TMEM260: variants seen among roughly 807,000 people sequenced by gnomAD.
The protein encoded by TMEM260 is protein O-mannosyl-transferase TMEM260.
TMEM260 carries 82 observed loss-of-function variants against 88.9 expected under a neutral mutation model. The observed-to-expected ratio is 0.92, with a 90% CI of 0.77 to 1.11. The LOEUF is 1.11. Among genes scored for constraint, TMEM260 ranks in the 50% least tolerant of loss-of-function variants. TMEM260 has a pLI of 0.00. For missense variants in TMEM260, 902 were observed against 853.4 expected, an observed-to-expected ratio of 1.06 and a Z score of -0.71; for synonymous variants, 314 against 309.3, an observed-to-expected ratio of 1.02 and a Z score of -0.16.
chr14:56,596,803 A>G (rs962753098), intron 3 of TMEM260, among the ~76,000 whole-genome samples: 9 of 138,248 alleles, frequency 6.5e-5, no homozygotes, highest in African/African-American at 2.3e-4. Flanking sequence ...AAATATATAT[A>G]TATACACACA....
intron 15 of TMEM260, among the ~76,000 whole-genome samples, chr14:56,636,821 G>A (rs1466174023): frequency 6.6e-6 from 1 of 152,208 alleles, no homozygotes; most frequent in Non-Finnish European, 1.5e-5. Context: ...CAAAAAAGAT[G>A]TCTAGTCCTA....
chr14:56,618,646 T>C lies in TMEM260; in HGVS notation c.1109T>C (p.Ile370Thr). The C allele has an allele frequency of 1.9e-6, 3 of 1,614,230 alleles. No individual in the cohort carries two copies. The highest frequency in any genetic ancestry group is 2.5e-6 in the Non-Finnish European group (3 of 1,180,036). ...GCAGTAGTGGCCGTCCTCGCTGGCATTGGTTTGGCTGCAGTTGTGTCTGAG... is the reference window on the plus strand; with the variant it reads ...GCAGTAGTGGCCGTCCTCGCTGGCACTGGTTTGGCTGCAGTTGTGTCTGAG... The part of the protein sequence containing the change: ...SNAVVAVLAG[I>T]GLAAVVSETN... The change falls in exon 10 of 16, where the codon ATT becomes ACT. Residue 370 changes from isoleucine (I) to threonine (T), a missense_variant. By Grantham distance (89) the Ile-to-Thr change is moderately conservative (BLOSUM62 -1). Transcript: ENST00000261556.
chr14:56,659,604 T>A, the TMEM260 span, among the ~76,000 whole-genome samples: 3 of 152,170 alleles, frequency 2.0e-5, no homozygotes, highest in Non-Finnish European at 4.4e-5. Flanking sequence ...TGGGATTAAA[T>A]TCCCCTCAAA....
At chr14:56,617,845 A>G (rs772803385) in intron 9 of TMEM260, among the ~76,000 whole-genome samples, 9 of 152,184 alleles carry the variant, frequency 5.9e-5, no homozygotes, top group Non-Finnish European at 1.0e-4. Context: ...ATAATACCCT[A>G]CTTGATCACC....
In TMEM260 at chr14:56,585,781, TC is replaced by T; in HGVS notation, c.215del (p.Pro72LeufsTer33). The T allele has an allele frequency of 6.2e-7, 1 of 1,612,804 alleles. No individual in the cohort carries two copies. The highest frequency in any genetic ancestry group is 1.3e-5 in the African/African-American group (1 of 74,958). ...CGTAGGTTGCCCATCCTCCTGGCTA[TC>T]CTTTGTTCACGCTGGTGGCTAAACT... ...ELGVAHPPGY[P>X]LFTLVAKLAI... On this transcript the variant is annotated frameshift_variant, in exon 3 of 16. Transcript: ENST00000261556. LOFTEE classifies it high-confidence loss of function.
intron 12 of TMEM260, among the ~76,000 whole-genome samples, chr14:56,627,877 A>T (rs561386699): frequency 5.9e-5 from 9 of 152,250 alleles, no homozygotes; most frequent in Non-Finnish European, 1.3e-4. Context: ...CCATGATTCC[A>T]TAAATTTTCT....
intron 3 of TMEM260, among the ~76,000 whole-genome samples, chr14:56,599,054 CTT>C (rs1449407595): frequency 2.0e-5 from 3 of 152,164 alleles, no homozygotes; most frequent in Non-Finnish European, 2.9e-5. Flanking sequence ...CCTGGTATGA[CTT>C]TAGCTTTCAT....
At chr14:56,619,450 A>C (rs1183533002) in intron 10 of TMEM260, 2 of 152,184 alleles carry the variant, frequency 1.3e-5, no homozygotes, top group Admixed American at 6.5e-5. Context: ...TGGAATTAAC[A>C]GGTGTGAACC....
intron 11 of TMEM260, among the ~76,000 whole-genome samples, chr14:56,623,972 G>T (rs1432304572): frequency 6.6e-6 from 1 of 152,122 alleles, no homozygotes; most frequent in Non-Finnish European, 1.5e-5. Context: ...TTAAGTATGT[G>T]TTAAGTATAG....
chr14:56,598,980 G>T (rs922292751), intron 3 of TMEM260, among the ~76,000 whole-genome samples: 3 of 152,120 alleles, frequency 2.0e-5, no homozygotes, highest in African/African-American at 7.2e-5. Context: ...GTCTAATCTT[G>T]CTTAACTGGC....
intron 3 of TMEM260, 148 bp downstream of exon 3, chr14:56,586,060 T>A: frequency 1.2e-6 from 1 of 867,814 alleles, no homozygotes; most frequent in Non-Finnish European, 1.7e-6. Flanking sequence ...TACTTTCATA[T>A]GCATTTGACC....
intron 8 of TMEM260, 23 bp from the exon 9 acceptor site, chr14:56,617,160 C>A: frequency 7.4e-7 from 1 of 1,350,812 alleles, no homozygotes; most frequent in Non-Finnish European, 1.0e-6. Flanking sequence ...ATATTTTAGA[C>A]ATATTTTTAT....
intron 15 of TMEM260, among the ~76,000 whole-genome samples, chr14:56,640,276 CG>C (rs1889479875): frequency 6.6e-6 from 1 of 152,128 alleles, no homozygotes; most frequent in Non-Finnish European, 1.5e-5. Context: ...CTCACACAGC[CG>C]GGTACTCCTC....
chr14:56,660,710 T>G, the TMEM260 span, among the ~76,000 whole-genome samples: 3 of 152,194 alleles, frequency 2.0e-5, no homozygotes, highest in African/African-American at 7.2e-5. Flanking sequence ...GAATGAGGCA[T>G]GAGGCACAGA....
At chr14:56,596,207 A>T (rs1452390072) in intron 3 of TMEM260, among the ~76,000 whole-genome samples, 1 of 152,152 alleles carries the variant, frequency 6.6e-6, no homozygotes, top group South Asian at 2.1e-4. Context: ...AATTTTATCA[A>T]GCATTATTTG....
At chr14:56,628,856 T>C (rs1191187519) in intron 12 of TMEM260, among the ~76,000 whole-genome samples, 2 of 152,018 alleles carry the variant, frequency 1.3e-5, no homozygotes, top group East Asian at 3.9e-4. Context: ...GATGTATGTC[T>C]ACTATTATCT....
chr14:56,606,779 C>T (rs559999564), intron 5 of TMEM260, among the ~76,000 whole-genome samples: 1 of 152,144 alleles, frequency 6.6e-6, no homozygotes, highest in Non-Finnish European at 1.5e-5. Context: ...CCTGTAGTCC[C>T]AGCTACTCAG....
intron 3 of TMEM260, among the ~76,000 whole-genome samples, chr14:56,600,545 G>C (rs1886512076): frequency 6.6e-6 from 1 of 152,132 alleles, no homozygotes; most frequent in Admixed American, 6.6e-5. Flanking sequence ...TTCTTTAAGG[G>C]AGATACACAA....
At position 56,584,999 on chromosome 14, in the gene TMEM260, A is replaced by C. The variant is rs781068555; in HGVS notation, c.161-2A>C. The C allele has an allele frequency of 1.2e-6, 2 of 1,611,190 alleles. No homozygotes were observed. Among genetic ancestry groups the C allele is most frequent in the Non-Finnish European group, 1.7e-6 (2 of 1,178,588 alleles). On this transcript the variant is annotated splice_acceptor_variant, in intron 1 of 15. Transcript: ENST00000261556. LOFTEE classifies it high-confidence loss of function. ...TATTGGTTTTACATTATTTTTTCAC[A>C]GGGGAACTGATCACAGCCGCACATG...
Sources: gnomAD v4.1 joint callset for allele counts (sites outside exome capture counted in the v4.1 genomes callset) on GRCh38, gnomAD v4.1.1 for gene constraint, MANE v1.5 for transcripts, NCBI Gene and HGNC (gene_info 2026-07-23, HGNC 2026-07-21) for gene names.